Variants in LCTL observed in about 807,000 individuals in gnomAD.
The protein encoded by LCTL is lactase like.
Under a neutral mutation model 75.8 loss-of-function variants are expected in LCTL, and 76 were observed. The ratio of observed to expected loss-of-function variants is 1.00; its 90% CI spans 0.83 to 1.21. LCTL has a LOEUF of 1.21. LCTL is among the 50% of genes most tolerant of loss of function. LCTL has a pLI of 0.00. For synonymous variants in LCTL, 271 were observed against 268.8 expected (o/e 1.01, Z -0.08); for missense variants, 670 against 712.4 (o/e 0.94, Z 0.68).
chr15:66,565,422 A>G, exon 1 of LCTL: 1 of 1,161,680 alleles, frequency 8.6e-7, no homozygotes. Flanking sequence ...AGGCCCCTGC[A>G]GCCAGGCTGA....
At chr15:66,563,443 C>G in intron 4 of LCTL, 73 bp downstream of exon 5, 1 of 1,011,388 alleles carries the variant, frequency 9.9e-7, no homozygotes. Flanking sequence ...CTTGGCAACC[C>G]AAGTCCTCAA....
intron 4 of LCTL, among the ~76,000 whole-genome samples, chr15:66,561,902 C>G (rs1235300934): frequency 6.6e-6 from 1 of 152,120 alleles, no homozygotes; most frequent in African/African-American, 2.4e-5. Context: ...GCTCAGCACT[C>G]GAGGCCTTCG....
At chr15:66,564,905 GC>G in intron 1 of LCTL, 66 bp from the exon 3 acceptor site, 4 of 1,502,144 alleles carry the variant, frequency 2.7e-6, no homozygotes, top group Non-Finnish European at 3.6e-6. Flanking sequence ...AGGACTCTGG[GC>G]TGTGCCTCCC....
At chr15:66,562,650 T>C (rs1411501256) in intron 4 of LCTL, among the ~76,000 whole-genome samples, 1 of 151,694 alleles carries the variant, frequency 6.6e-6, no homozygotes, top group African/African-American at 2.4e-5. Context: ...AATGGCATAA[T>C]CTCGGCTCAC....
intron 8 of LCTL, among the ~76,000 whole-genome samples, chr15:66,555,490 G>A (rs1334651885): frequency 2.6e-5 from 4 of 151,750 alleles, no homozygotes; most frequent in South Asian, 2.1e-4. Context: ...GCAGTGAGCC[G>A]AGATCGCACC....
At chr15:66,561,313 C>T in exon 5 of LCTL, 1 of 1,614,238 alleles carries the variant, frequency 6.2e-7, no homozygotes. Flanking sequence ...TGACCTGGAG[C>T]AGCTGTGAAC....
chr15:66,565,839 C>T (rs556708672), upstream of LCTL: 7 of 159,206 alleles, frequency 4.4e-5, no homozygotes, highest in South Asian at 9.6e-4. Context: ...CTCTTTGGTG[C>T]CAGCCCAGCC....
At chr15:66,557,931 C>T (rs1366639930) in intron 7 of LCTL, 48 bp from the exon 9 acceptor site, 14 of 1,608,842 alleles carry the variant, frequency 8.7e-6, no homozygotes, top group Non-Finnish European at 1.2e-5. Flanking sequence ...CATGCCATTG[C>T]TGCTCCGGGC....
chr15:66,551,233 G>A (rs1454485854), intron 11 of LCTL, among the ~76,000 whole-genome samples: 2 of 149,830 alleles, frequency 1.3e-5, no homozygotes, highest in Admixed American at 1.4e-4. Context: ...TGTAATCCCA[G>A]CTACTCAGGA....
chr15:66,552,046 T>C (rs1895618422), exon 10 of LCTL: 1 of 1,610,062 alleles, frequency 6.2e-7, no homozygotes, highest in Non-Finnish European at 8.5e-7. Context: ...GTCTCACCTT[T>C]TAGCATTTCA....
At chr15:66,556,583 G>A (rs1169918829) in intron 8 of LCTL, among the ~76,000 whole-genome samples, 1 of 152,162 alleles carries the variant, frequency 6.6e-6, no homozygotes. Context: ...GGGATTACAG[G>A]CTTGAGCCAC....
At chr15:66,554,162 G>A (rs7402503) in intron 8 of LCTL, among the ~76,000 whole-genome samples, 151,923 of 152,012 alleles carry the variant, frequency 1, 75,917 homozygotes, top group Non-Finnish European at 1. Flanking sequence ...GTGGTGGTGC[G>A]TGCCTGTAAT....
chr15:66,550,013 A>G, intron 12 of LCTL, 28 bp downstream of exon 13: 1 of 1,485,066 alleles, frequency 6.7e-7, no homozygotes. Flanking sequence ...TAATTATTAA[A>G]GGAAAACATT....
intron 5 of LCTL, 40 bp downstream of exon 6, chr15:66,561,146 AG>A: frequency 6.2e-7 from 1 of 1,614,120 alleles, no homozygotes; most frequent in African/African-American, 1.3e-5. Context: ...AAGAAGTGGC[AG>A]GGAGTGTCAC....
chr15:66,564,649 A>G (rs1461931006), intron 2 of LCTL, 27 bp downstream of exon 3: 1 of 1,605,788 alleles, frequency 6.2e-7, no homozygotes, highest in Non-Finnish European at 8.5e-7. Flanking sequence ...GCGCGCGCAC[A>G]CACACACACT....
rs186927661 is a variant in LCTL at position 66,555,347 on chromosome 15, A to G, written c.923-2089T>C. ...AGTCTTGCTCCATCTCACTCTCCCA[A>G]AGTTTCGAACATGGTGAAACCCCAT... is the stretch of plus-strand genomic sequence containing the variant. On this transcript the variant is annotated intron_variant, in intron 8 of 12. Transcript: ENST00000341509. 2.2e-4 allele frequency among the ~76,000 whole-genome samples: 33 copies of G among 151,702 alleles called. No individual in the cohort carries two copies. The East Asian group carries it at 6.2e-3, about 29-fold the overall frequency.
At chr15:66,562,472 T>C (rs1895914284) in intron 4 of LCTL, among the ~76,000 whole-genome samples, 1 of 151,530 alleles carries the variant, frequency 6.6e-6, no homozygotes, top group Admixed American at 6.6e-5. Flanking sequence ...TTCTGAAGCA[T>C]GTTGTGATTT....
At chr15:66,548,480 T>A in exon 13 of LCTL, 2 of 1,494,354 alleles carry the variant, frequency 1.3e-6, no homozygotes. Flanking sequence ...CCAAAATTGA[T>A]AATCCTGTCT....
exon 13 of LCTL, chr15:66,548,237 TATAC>T: frequency 3.5e-6 from 1 of 286,028 alleles, no homozygotes; most frequent in East Asian, 5.8e-5. Flanking sequence ...TAATTCATAA[TATAC>T]ATTCATTATA....
Sources: gnomAD v4.1 joint callset for allele counts (sites outside exome capture counted in the v4.1 genomes callset) on GRCh38, gnomAD v4.1.1 for gene constraint, MANE v1.5 for transcripts, NCBI Gene and HGNC (gene_info 2026-07-23, HGNC 2026-07-21) for gene names.